The following FSTL5 variants were observed in gnomAD, a reference collection of about 807,000 sequenced individuals.
FSTL5 encodes the protein follistatin like 5.
A neutral mutation model predicts 89.1 loss-of-function variants in FSTL5; 62 were observed. The observed-to-expected ratio is 0.70, with a 90% CI of 0.57 to 0.86. The LOEUF (loss-of-function observed/expected upper bound fraction) is 0.86, where lower values mean the gene tolerates loss of function less well. FSTL5 is among the 40% of genes least tolerant of loss of function. The pLI is 0.00. For missense variants in FSTL5, 1,057 were observed against 1,001.6 expected (o/e 1.06, Z -0.75); for synonymous variants, 383 against 346.2 (o/e 1.11, Z -1.18).
chr4:161,783,047 G>T (rs1160570560), intron 4 of FSTL5, among the ~76,000 whole-genome samples: 1 of 152,044 alleles, frequency 6.6e-6, no homozygotes, highest in Non-Finnish European at 1.5e-5. Context: ...AAATCATAAA[G>T]ATGCAGAGAA....
chr4:161,527,003 A>T (rs1731244825), intron 10 of FSTL5, among the ~76,000 whole-genome samples: 1 of 151,998 alleles, frequency 6.6e-6, no homozygotes, highest in Non-Finnish European at 1.5e-5. Context: ...CTTGATGGGG[A>T]TGGCATTGAA....
chr4:161,550,586 TTTATTTA>T (rs869075255), intron 8 of FSTL5, among the ~76,000 whole-genome samples: 3 of 148,274 alleles, frequency 2.0e-5, no homozygotes, highest in South Asian at 4.2e-4. Flanking sequence ...TATTTATTTA[TTTATTTA>T]TTATTATACT....
chr4:162,121,013 T>C (rs147948958), intron 1 of FSTL5, among the ~76,000 whole-genome samples: 6 of 152,070 alleles, frequency 3.9e-5, no homozygotes, highest in African/African-American at 1.4e-4. Context: ...ACTGAGAGTA[T>C]GCTTATATAT....
intron 3 of FSTL5, among the ~76,000 whole-genome samples, chr4:162,021,220 AT>A (rs1003685433): frequency 1.3e-5 from 2 of 152,226 alleles, no homozygotes; most frequent in African/African-American, 2.4e-5. Context: ...GCAAATAAGC[AT>A]TTTTTTATAT....
intron 6 of FSTL5, among the ~76,000 whole-genome samples, chr4:161,745,991 A>T (rs1325776539): frequency 1.3e-5 from 2 of 152,194 alleles, no homozygotes; most frequent in Non-Finnish European, 2.9e-5. Flanking sequence ...TTAAAACTTT[A>T]GACAAGTTCA....
At chr4:161,663,940 CCA>C (rs1736800248) in intron 6 of FSTL5, among the ~76,000 whole-genome samples, 1 of 152,222 alleles carries the variant, frequency 6.6e-6, no homozygotes, top group Non-Finnish European at 1.5e-5. Context: ...GTGGAAACTG[CCA>C]AGGCTTGTGG....
At chr4:162,097,181 G>A (rs1224742090) in intron 2 of FSTL5, among the ~76,000 whole-genome samples, 1 of 151,594 alleles carries the variant, frequency 6.6e-6, no homozygotes, top group Non-Finnish European at 1.5e-5. Context: ...TAATATATTA[G>A]GGAAATACTG....
intron 4 of FSTL5, among the ~76,000 whole-genome samples, chr4:161,796,562 T>C (rs190028735): frequency 1.3e-5 from 2 of 151,940 alleles, no homozygotes; most frequent in East Asian, 1.9e-4. Context: ...ATTTTGATTA[T>C]TGAAATCTTT....
At chr4:161,498,545 A>G (rs1730174072) in intron 12 of FSTL5, among the ~76,000 whole-genome samples, 1 of 152,196 alleles carries the variant, frequency 6.6e-6, no homozygotes, top group African/African-American at 2.4e-5. Context: ...TATGGATTTC[A>G]CAGCCTATCT....
chr4:161,693,565 G>T (rs986688840), intron 6 of FSTL5, among the ~76,000 whole-genome samples: 3 of 149,166 alleles, frequency 2.0e-5, no homozygotes, highest in Non-Finnish European at 3.0e-5. Flanking sequence ...TGTGTTTCTA[G>T]AAATTTGTCC....
At chr4:161,759,044 T>C (rs2126789105) in intron 6 of FSTL5, among the ~76,000 whole-genome samples, 1 of 152,324 alleles carries the variant, frequency 6.6e-6, no homozygotes, top group African/African-American at 2.4e-5. Context: ...CCATTTTGGT[T>C]TCCCAATGAA....
At chr4:161,950,563 C>T (rs1734864941) in intron 3 of FSTL5, among the ~76,000 whole-genome samples, 1 of 152,180 alleles carries the variant, frequency 6.6e-6, no homozygotes, top group Non-Finnish European at 1.5e-5. Context: ...CAGCCTGTAG[C>T]AGTCAGGCCT....
At chr4:161,479,807 A>T (rs1295641145) in intron 13 of FSTL5, among the ~76,000 whole-genome samples, 1 of 152,214 alleles carries the variant, frequency 6.6e-6, no homozygotes, top group Non-Finnish European at 1.5e-5. Flanking sequence ...ATTCACTGTC[A>T]ATTTATAAAC....
chr4:161,636,003 T>C (rs7696495), intron 7 of FSTL5, among the ~76,000 whole-genome samples: 11,686 of 151,998 alleles, frequency 0.077, 801 homozygotes, highest in East Asian at 0.31. Context: ...GTGTTTTTGT[T>C]CCCTTGTGTA....
chr4:161,865,314 A>G (rs185135342), intron 4 of FSTL5, among the ~76,000 whole-genome samples: 5 of 152,346 alleles, frequency 3.3e-5, no homozygotes, highest in African/African-American at 1.2e-4. Context: ...AAAAGTCCAC[A>G]TATCCCTTAT....
intron 7 of FSTL5, among the ~76,000 whole-genome samples, chr4:161,611,245 T>C (rs377572776): frequency 4.1e-5 from 3 of 73,408 alleles, no homozygotes; most frequent in Non-Finnish European, 7.1e-5. Context: ...TATATATATA[T>C]ATATATATAT....
chr4:162,006,002 C>T (rs1396148096), intron 3 of FSTL5, among the ~76,000 whole-genome samples: 2 of 152,136 alleles, frequency 1.3e-5, no homozygotes, highest in African/African-American at 2.4e-5. Flanking sequence ...ATACTACCTC[C>T]CATCTCCCCT....
chr4:161,426,140 ATTC>A (rs756229111), intron 15 of FSTL5, among the ~76,000 whole-genome samples: 136 of 152,300 alleles, frequency 8.9e-4, no homozygotes, highest in Admixed American at 3.3e-3. Context: ...TCTGCATATT[ATTC>A]ATTATATATA....
At chr4:161,888,542 C>A (rs933015040) in intron 4 of FSTL5, among the ~76,000 whole-genome samples, 1 of 152,100 alleles carries the variant, frequency 6.6e-6, no homozygotes, top group Admixed American at 6.6e-5. Flanking sequence ...TATTATTTTG[C>A]AATTGTACCC....
Sources: allele counts gnomAD v4.1 joint callset (sites outside exome capture counted in the v4.1 genomes callset), GRCh38; gene constraint gnomAD v4.1.1; transcripts MANE v1.5; gene names NCBI Gene and HGNC (gene_info 2026-07-23, HGNC 2026-07-21).